Variants in LEKR1 observed in about 807,000 individuals in gnomAD.
The protein encoded by LEKR1 is protein LEKR1.
Under a neutral mutation model 72.4 loss-of-function variants are expected in LEKR1, and 59 were observed. That is an observed-to-expected ratio of 0.82 (90% CI 0.66 to 1.01). The LOEUF (loss-of-function observed/expected upper bound fraction) is 1.01, where lower values mean the gene tolerates loss of function less well. Ranked by LOEUF, LEKR1 falls within the 50% of genes least tolerant of loss-of-function variation. The pLI is 0.00. For synonymous variants in LEKR1, 257 were observed against 263.2 expected (o/e 0.98, Z 0.23); for missense variants, 728 against 759.2 (o/e 0.96, Z 0.48).
At chr3:156,962,436 G>T (rs1728208303) in intron 6 of LEKR1, among the ~76,000 whole-genome samples, 1 of 152,156 alleles carries the variant, frequency 6.6e-6, no homozygotes, top group Non-Finnish European at 1.5e-5. Context: ...AAAAGTAGAT[G>T]GACAAAAAGT....
At chr3:156,835,008 C>T (rs1195479525) in intron 2 of LEKR1, among the ~76,000 whole-genome samples, 1 of 152,190 alleles carries the variant, frequency 6.6e-6, no homozygotes, top group Non-Finnish European at 1.5e-5. Context: ...AAACATCCCA[C>T]ACACAACACA....
chr3:156,987,250 A>G (rs562092039), intron 7 of LEKR1, among the ~76,000 whole-genome samples: 1 of 152,302 alleles, frequency 6.6e-6, no homozygotes, highest in African/African-American at 2.4e-5. Flanking sequence ...GAAGGTGAAG[A>G]TAACAATTGG....
chr3:156,940,830 T>G (rs935582150), intron 5 of LEKR1, among the ~76,000 whole-genome samples: 2 of 152,290 alleles, frequency 1.3e-5, no homozygotes, highest in South Asian at 2.1e-4. Context: ...TAACAGAGCC[T>G]GCTAACCTGA....
chr3:156,949,774 T>C (rs188437231), intron 6 of LEKR1, among the ~76,000 whole-genome samples: 11 of 151,380 alleles, frequency 7.3e-5, no homozygotes, highest in African/African-American at 2.7e-4. Context: ...AAAAGCTGTT[T>C]GTTTCAGTTT....
At chr3:156,965,890 C>A (rs961068302) in intron 6 of LEKR1, among the ~76,000 whole-genome samples, 1 of 152,098 alleles carries the variant, frequency 6.6e-6, no homozygotes, top group African/African-American at 2.4e-5. Flanking sequence ...CAAGGGTTTA[C>A]TCTGAATGCT....
At chr3:157,032,505 G>A (rs567445105) in intron 12 of LEKR1, among the ~76,000 whole-genome samples, 1 of 152,242 alleles carries the variant, frequency 6.6e-6, no homozygotes, top group South Asian at 2.1e-4. Context: ...CCACTAAAAT[G>A]GCAGTCAATT....
At chr3:156,859,925 C>CT (rs1560031381) in intron 3 of LEKR1, among the ~76,000 whole-genome samples, 1 of 152,134 alleles carries the variant, frequency 6.6e-6, no homozygotes, top group African/African-American at 2.4e-5. Flanking sequence ...TCTTGGAGCT[C>CT]TTTTTTGTCT....
intron 6 of LEKR1, among the ~76,000 whole-genome samples, chr3:156,955,531 T>C (rs1727546519): frequency 1.3e-5 from 2 of 152,050 alleles, no homozygotes; most frequent in Non-Finnish European, 1.5e-5. Flanking sequence ...TAATGCATAG[T>C]TTATTGAGAG....
intron 9 of LEKR1, among the ~76,000 whole-genome samples, chr3:157,010,117 T>C (rs1732769870): frequency 1.3e-5 from 2 of 152,048 alleles, no homozygotes; most frequent in African/African-American, 4.8e-5. Context: ...TTATTCCTAA[T>C]TAGTCTACCT....
intron 6 of LEKR1, among the ~76,000 whole-genome samples, chr3:156,959,361 T>C (rs986018991): frequency 1.3e-5 from 2 of 152,230 alleles, no homozygotes; most frequent in Non-Finnish European, 2.9e-5. Context: ...TTTTAATTAA[T>C]AATCATAAGT....
chr3:156,900,871 T>C (rs999467037), intron 3 of LEKR1, among the ~76,000 whole-genome samples: 98 of 152,246 alleles, frequency 6.4e-4, no homozygotes, highest in African/African-American at 2.3e-3. Context: ...TCTTGTTGAA[T>C]GATTCGGCAT....
At chr3:157,040,568 A>G (rs552469939) in intron 12 of LEKR1, among the ~76,000 whole-genome samples, 1 of 152,330 alleles carries the variant, frequency 6.6e-6, no homozygotes, top group East Asian at 1.9e-4. Flanking sequence ...AAGCCTTTGA[A>G]TGGAAGCTGG....
chr3:156,997,598 C>G (rs1278941013), intron 9 of LEKR1, among the ~76,000 whole-genome samples: 1 of 152,206 alleles, frequency 6.6e-6, no homozygotes, highest in Non-Finnish European at 1.5e-5. Context: ...AAGGCCAGAG[C>G]CCCATTCACT....
intron 9 of LEKR1, among the ~76,000 whole-genome samples, chr3:157,009,676 G>A (rs1732736791): frequency 6.6e-6 from 1 of 152,018 alleles, no homozygotes; most frequent in Non-Finnish European, 1.5e-5. Flanking sequence ...CTGGAGTTGT[G>A]CAGTTTATAC....
intron 5 of LEKR1, among the ~76,000 whole-genome samples, chr3:156,935,992 C>A (rs1725665532): frequency 6.6e-6 from 1 of 152,080 alleles, no homozygotes; most frequent in Non-Finnish European, 1.5e-5. Flanking sequence ...TTGATATTCA[C>A]AAAAATGATG....
intron 6 of LEKR1, among the ~76,000 whole-genome samples, chr3:156,959,955 T>TACC (rs1727969758): frequency 6.6e-6 from 1 of 151,342 alleles, no homozygotes; most frequent in Non-Finnish European, 1.5e-5. Context: ...CCCCCACCCA[T>TACC]GTTCCCTACC....
chr3:157,011,078 A>C (rs554501032), intron 9 of LEKR1, among the ~76,000 whole-genome samples: 72 of 152,260 alleles, frequency 4.7e-4, no homozygotes, highest in African/African-American at 1.7e-3. Context: ...ACCACAACTT[A>C]TAACATTTTA....
chr3:157,020,490 C>T (rs1413687996), intron 10 of LEKR1, among the ~76,000 whole-genome samples: 2 of 134,346 alleles, frequency 1.5e-5, no homozygotes, highest in Admixed American at 8.3e-5. Context: ...CATGTGTTCT[C>T]GTTGTTCAAT....
intron 6 of LEKR1, among the ~76,000 whole-genome samples, chr3:156,964,620 C>T (rs947120474): frequency 3.3e-5 from 5 of 151,952 alleles, no homozygotes; most frequent in African/African-American, 1.2e-4. Context: ...GGAGAAAACT[C>T]CTTGTCTTTT....
Sources: allele counts gnomAD v4.1 joint callset (sites outside exome capture counted in the v4.1 genomes callset), GRCh38; gene constraint gnomAD v4.1.1; transcripts MANE v1.5; gene names NCBI Gene and HGNC (gene_info 2026-07-23, HGNC 2026-07-21).